Variants in FAM20C observed in about 807,000 individuals in gnomAD.
FAM20C encodes extracellular serine/threonine protein kinase FAM20C.
A neutral mutation model predicts 51.5 loss-of-function variants in FAM20C; 40 were observed. That is an observed-to-expected ratio of 0.78 (90% CI 0.60 to 1.01). The LOEUF (loss-of-function observed/expected upper bound fraction) is 1.01, where lower values mean the gene tolerates loss of function less well. Among genes scored for constraint, FAM20C ranks in the 50% least tolerant of loss-of-function variants. FAM20C has a pLI of 0.00. For missense variants in FAM20C, 861 were observed against 844.7 expected, an observed-to-expected ratio of 1.02 and a Z score of -0.24; for synonymous variants, 406 against 380.6, an observed-to-expected ratio of 1.07 and a Z score of -0.78.
chr7:222,883 A>G (rs111152447), intron 3 of FAM20C, among the ~76,000 whole-genome samples: 1 of 3,450 alleles, frequency 2.9e-4, no homozygotes, highest in Non-Finnish European at 9.3e-4. Flanking sequence ...TGCGTGTGTG[A>G]CGTGTACATG....
intron 2 of FAM20C, among the ~76,000 whole-genome samples, chr7:196,615 G>T (rs1443896979): frequency 6.6e-6 from 1 of 152,240 alleles, no homozygotes; most frequent in African/African-American, 2.4e-5. Flanking sequence ...GAGGCCAGCA[G>T]TCCCAGGCAT....
chr7:200,460 T>C (rs1232219956), intron 2 of FAM20C, among the ~76,000 whole-genome samples: 3 of 152,150 alleles, frequency 2.0e-5, no homozygotes, highest in Non-Finnish European at 4.4e-5. Flanking sequence ...CCCAGCCGTC[T>C]GGTGGAAGGT....
At chr7:232,603 T>C (rs1583319774) in intron 3 of FAM20C, among the ~76,000 whole-genome samples, 2 of 152,242 alleles carry the variant, frequency 1.3e-5, no homozygotes, top group Non-Finnish European at 2.9e-5. Flanking sequence ...TTTCCTCTAT[T>C]TTTAACCAAA....
intron 3 of FAM20C, among the ~76,000 whole-genome samples, chr7:222,299 C>T (rs188539817): frequency 2.0e-5 from 3 of 152,230 alleles, no homozygotes; most frequent in Admixed American, 1.3e-4. Flanking sequence ...CCTGGTCCAG[C>T]CCCCGGCAGT....
chr7:228,870 A>G (rs1434510872), intron 3 of FAM20C: 1 of 452,092 alleles, frequency 2.2e-6, no homozygotes, highest in African/African-American at 2.0e-5. Flanking sequence ...TGCTGGCTGG[A>G]GGGTCCCACG....
intron 4 of FAM20C, among the ~76,000 whole-genome samples, 160 bp from the exon 5 acceptor site, chr7:248,155 C>G (rs535062850): frequency 2.0e-5 from 3 of 152,146 alleles, no homozygotes; most frequent in Non-Finnish European, 4.4e-5. Flanking sequence ...GCAGAGCCAC[C>G]GGACCTAGGG....
At position 212,450 on chromosome 7, in the gene FAM20C, A is replaced by C. The variant is rs28572671; in HGVS notation, c.863+3474A>C. Among the ~76,000 whole-genome samples, 1,278 of 152,256 alleles carry C rather than the reference A, an allele frequency of 8.4e-3. 17 individuals are homozygous for C. Among genetic ancestry groups the C allele is most frequent in the African/African-American group, 0.03 (1,228 of 41,542 alleles). ...TGCACTCCAGCCTGAGGGACAGAAC[A>C]AGACTCCGTCTCAAAAAAAAAAGTT... On this transcript the variant is annotated intron_variant, in intron 3 of 9. Coordinates refer to ENST00000313766, the MANE Select transcript of FAM20C (RefSeq NM_020223.4).
intron 9 of FAM20C, among the ~76,000 whole-genome samples, chr7:259,251 C>T (rs1054635407): frequency 6.6e-6 from 1 of 152,186 alleles, no homozygotes; most frequent in Non-Finnish European, 1.5e-5. Flanking sequence ...CCGCCCTCCT[C>T]ACCTCCCCAT....
intron 4 of FAM20C, among the ~76,000 whole-genome samples, chr7:247,938 TTTAA>T (rs1156302563): frequency 6.6e-6 from 1 of 152,256 alleles, no homozygotes; most frequent in Non-Finnish European, 1.5e-5. Context: ...GCATTCTCCA[TTTAA>T]TTAAGCGAGT....
At chr7:256,358 C>T (rs1473784416) in intron 6 of FAM20C, 13 of 567,736 alleles carry the variant, frequency 2.3e-5, no homozygotes, top group East Asian at 5.9e-5. Context: ...TTCCGCCCCA[C>T]GTTGTCCTCG....
intron 3 of FAM20C, among the ~76,000 whole-genome samples, chr7:210,564 G>A (rs544105762): frequency 4.6e-5 from 7 of 152,190 alleles, no homozygotes; most frequent in East Asian, 1.9e-4. Flanking sequence ...TTCGAGCCGC[G>A]GGCACGGCTG....
At position 257,110 on chromosome 7, in the gene FAM20C, C is replaced by G. The variant is rs1306810705; in HGVS notation, c.1445+24C>G. Reference sequence around the variant, plus strand: ...GGGTGAGCCTGTCCTCGCCCCTGCACACCCAGGGAAGGGCCGGCCACCTCC... The same window carrying G: ...GGGTGAGCCTGTCCTCGCCCCTGCAGACCCAGGGAAGGGCCGGCCACCTCC... On this transcript the variant is annotated intron_variant, in intron 8 of 9. Coordinates refer to ENST00000313766, the MANE Select transcript of FAM20C (RefSeq NM_020223.4). 4.6e-6 allele frequency: 7 copies of G among 1,535,264 alleles called. No individual in the cohort carries two copies. The Admixed American group carries it at 1.4e-4, about 30-fold the overall frequency.
intron 5 of FAM20C, among the ~76,000 whole-genome samples, chr7:253,157 C>T (rs569713473): frequency 2.0e-5 from 3 of 152,334 alleles, no homozygotes; most frequent in African/African-American, 4.8e-5. Flanking sequence ...ACGTTTCCAG[C>T]GATGGACCCA....
At chr7:229,139 C>A (rs1403290065) in intron 3 of FAM20C, 2 of 321,702 alleles carry the variant, frequency 6.2e-6, no homozygotes, top group African/African-American at 4.3e-5. Flanking sequence ...CAGATGAGGT[C>A]TCGTCATAAC....
intron 3 of FAM20C, among the ~76,000 whole-genome samples, chr7:230,665 C>T (rs1452841821): frequency 2.6e-5 from 4 of 152,142 alleles, no homozygotes; most frequent in African/African-American, 9.7e-5. Context: ...TTAGATGAGT[C>T]GCGATACAGA....
intron 5 of FAM20C, among the ~76,000 whole-genome samples, chr7:251,020 T>C (rs140337695): frequency 0.47 from 72,038 of 152,114 alleles, 17,503 homozygotes; most frequent in Non-Finnish European, 0.55. Context: ...GGGTCAATGA[T>C]GCCCACTGAT....
intron 3 of FAM20C, 72 bp downstream of exon 3, chr7:209,048 TG>T: frequency 1.4e-6 from 2 of 1,462,368 alleles, no homozygotes; most frequent in Non-Finnish European, 1.9e-6. Flanking sequence ...GGGCTTCTGC[TG>T]GGGATGGCCG....
At chr7:205,241 C>T (rs577379785) in intron 2 of FAM20C, among the ~76,000 whole-genome samples, 3 of 150,504 alleles carry the variant, frequency 2.0e-5, no homozygotes, top group South Asian at 4.2e-4. Context: ...TAGCTGGGAC[C>T]ACAGACACGC....
chr7:253,092 G>T (rs1282781038), intron 5 of FAM20C, among the ~76,000 whole-genome samples: 1 of 152,214 alleles, frequency 6.6e-6, no homozygotes, highest in African/African-American at 2.4e-5. Context: ...GGGCAGGGCG[G>T]TCCTCAGGAC....
Sources: gnomAD v4.1 joint callset for allele counts (sites outside exome capture counted in the v4.1 genomes callset) on GRCh38, gnomAD v4.1.1 for gene constraint, MANE v1.5 for transcripts, NCBI Gene and HGNC (gene_info 2026-07-23, HGNC 2026-07-21) for gene names.